The following C16orf46 variants were observed in gnomAD, a reference collection of about 807,000 sequenced individuals.
The protein encoded by C16orf46 is chromosome 16 open reading frame 46, also known as uncharacterized protein C16orf46.
Under a neutral mutation model 5.5 loss-of-function variants are expected in C16orf46, and 7 were observed. The ratio of observed to expected loss-of-function variants is 1.28; its 90% confidence interval spans 0.73 to 2.40. C16orf46 has a LOEUF of 2.40. C16orf46 is among the 30% of genes most tolerant of loss of function. The pLI, the probability that C16orf46 is intolerant of heterozygous loss-of-function variation, is 0.00. For missense variants in C16orf46, 614 were observed against 476.0 expected (o/e 1.29, Z -2.70); for synonymous variants, 200 against 184.1 (o/e 1.09, Z -0.70).
At chr16:81,065,989 A>G (rs1021238093) in intron 2 of C16orf46, among the ~76,000 whole-genome samples, 1 of 151,876 alleles carries the variant, frequency 6.6e-6, no homozygotes, top group Non-Finnish European at 1.5e-5. Context: ...AGGTTCAAGC[A>G]ATTCTCCTGC....
chr16:81,066,575 G>A (rs535780489), intron 1 of C16orf46, among the ~76,000 whole-genome samples: 1 of 152,282 alleles, frequency 6.6e-6, no homozygotes, highest in South Asian at 2.1e-4. Context: ...ATGACACACA[G>A]TAATGGCCAA....
At chr16:81,067,908 A>C (rs972890142) in intron 1 of C16orf46, among the ~76,000 whole-genome samples, 1 of 152,230 alleles carries the variant, frequency 6.6e-6, no homozygotes, top group Non-Finnish European at 1.5e-5. Context: ...AGAAAAAAAC[A>C]CACAGATCTA....
At chr16:81,075,878 C>T (rs917898988) in intron 1 of C16orf46, among the ~76,000 whole-genome samples, 6 of 152,118 alleles carry the variant, frequency 3.9e-5, no homozygotes, top group East Asian at 1.9e-4. Flanking sequence ...TTAAGTCAAA[C>T]GCAAGCTGTT....
At chr16:81,055,084 C>T (rs1486391622) in intron 3 of C16orf46, among the ~76,000 whole-genome samples, 1 of 152,172 alleles carries the variant, frequency 6.6e-6, no homozygotes, top group Non-Finnish European at 1.5e-5. Context: ...ATCCTACTTT[C>T]CTGAAATTTA....
intron 1 of C16orf46, among the ~76,000 whole-genome samples, chr16:81,074,541 C>T (rs571450885): frequency 2.0e-5 from 3 of 151,970 alleles, no homozygotes; most frequent in African/African-American, 4.8e-5. Context: ...CGCGCCATCA[C>T]GCCCAGCTAA....
chr16:81,076,297 C>T (rs1372499263), intron 1 of C16orf46: 1 of 150,996 alleles, frequency 6.6e-6, no homozygotes, highest in Non-Finnish European at 1.5e-5. Flanking sequence ...CTGGAAGGAG[C>T]TGAACCTTTG....
intron 1 of C16orf46, among the ~76,000 whole-genome samples, chr16:81,068,317 C>G (rs1343315070): frequency 1.3e-5 from 2 of 152,180 alleles, no homozygotes; most frequent in South Asian, 2.1e-4. Context: ...GACATGTTTT[C>G]TGTTGTGTGT....
intron 1 of C16orf46, among the ~76,000 whole-genome samples, chr16:81,067,841 A>G (rs1184620079): frequency 6.6e-6 from 1 of 152,226 alleles, no homozygotes; most frequent in East Asian, 1.9e-4. Flanking sequence ...ATGAACAGAT[A>G]ACAAGGTTTG....
At chr16:81,056,717 A>G (rs1010378154), downstream of C16orf46, among the ~76,000 whole-genome samples, 6 of 142,872 alleles carry the variant, frequency 4.2e-5, no homozygotes, top group African/African-American at 1.0e-4. Context: ...AAAAAAAAAA[A>G]GCAGACTTAT....
chr16:81,072,018 T>A (rs1209970592), intron 1 of C16orf46: 1 of 152,250 alleles, frequency 6.6e-6, no homozygotes, highest in Non-Finnish European at 1.5e-5. Flanking sequence ...AACGTCCTCC[T>A]TCAGTTCTCT....
chr16:81,059,320 CAAA>C (rs71143671), downstream of C16orf46, among the ~76,000 whole-genome samples: 4 of 46,608 alleles, frequency 8.6e-5, no homozygotes, highest in Non-Finnish European at 1.5e-4. Flanking sequence ...GACTCTGTCT[CAAA>C]AAAAAAAAAA....
chr16:81,058,991 C>G (rs1361701275), downstream of C16orf46, among the ~76,000 whole-genome samples: 1 of 152,120 alleles, frequency 6.6e-6, no homozygotes, highest in African/African-American at 2.4e-5. Flanking sequence ...GGAAAATGAT[C>G]CCTGATTCCC....
At chr16:81,059,192 G>C (rs931410227), downstream of C16orf46, among the ~76,000 whole-genome samples, 1 of 151,720 alleles carries the variant, frequency 6.6e-6, no homozygotes, top group Admixed American at 6.6e-5. Flanking sequence ...GTGGTGGTGG[G>C]CACCTGTAAT....
chr16:81,071,921 T>G (rs906222827), intron 1 of C16orf46: 1 of 152,152 alleles, frequency 6.6e-6, no homozygotes, highest in African/African-American at 2.4e-5. Context: ...TCTGTTGCAG[T>G]TGGGTTAGAG....
chr16:81,076,910 C>CCGTCCTCCGT (rs773929770), intron 1 of C16orf46: 15 of 152,476 alleles, frequency 9.8e-5, no homozygotes, highest in Admixed American at 6.5e-4. Flanking sequence ...GAATTCCTCC[C>CCGTCCTCCGT]CGTCCTCCGT....
In C16orf46 at chr16:81,062,076, CT is replaced by C; in HGVS notation, c.272del (p.Lys91ArgfsTer4). On this transcript the variant is annotated frameshift_variant, in exon 4 of 4. Transcript: ENST00000299578. LOFTEE classifies it low-confidence loss of function (END_TRUNC). ...TGCAGGCACCTTCCCCTACCCTCGC[CT>C]TTTTTGGTATCTTCCTCGGCCAGAT... Reference protein sequence around the residue: ...ACIWPRKIPKKARVGEGACSD... With the variant: ...ACIWPRKIPKXARVGEGACSD... 3.1e-6 allele frequency: 5 copies of C among 1,610,946 alleles called. No homozygotes were observed. Among genetic ancestry groups the C allele is most frequent in the Non-Finnish European group, 8.5e-7 (1 of 1,179,852 alleles).
intron 3 of C16orf46, chr16:81,055,956 G>A (rs1971284821): frequency 6.6e-6 from 1 of 152,168 alleles, no homozygotes; most frequent in African/African-American, 2.4e-5. Flanking sequence ...GACCTCAAGT[G>A]ATCCACCCAC....
At chr16:81,059,633 G>T (rs1035520571), downstream of C16orf46, among the ~76,000 whole-genome samples, 2 of 152,126 alleles carry the variant, frequency 1.3e-5, no homozygotes, top group Non-Finnish European at 2.9e-5. Context: ...ATATGAGTTG[G>T]GGTAAAATGA....
At chr16:81,064,577 A>G (rs930217183) in intron 2 of C16orf46, among the ~76,000 whole-genome samples, 1 of 151,582 alleles carries the variant, frequency 6.6e-6, no homozygotes, top group Non-Finnish European at 1.5e-5. Flanking sequence ...GCGAAACCCC[A>G]TCTCTACCAA....
Sources: gnomAD v4.1 joint callset for allele counts (sites outside exome capture counted in the v4.1 genomes callset) on GRCh38, gnomAD v4.1.1 for gene constraint, MANE v1.5 for transcripts, NCBI Gene and HGNC (gene_info 2026-07-23, HGNC 2026-07-21) for gene names.